Variants in RBFOX1 observed in about 807,000 individuals in gnomAD.
The protein encoded by RBFOX1 is RNA binding fox-1 homolog 1, also known as RNA binding protein fox-1 homolog 1.
A neutral mutation model predicts 57.7 loss-of-function variants in RBFOX1; 8 were observed. That is an observed-to-expected ratio of 0.14 (90% CI 0.08 to 0.25). RBFOX1 has a LOEUF of 0.25. Ranked by LOEUF, RBFOX1 falls within the 10% of genes least tolerant of loss-of-function variation. RBFOX1 has a pLI of 1.00. For synonymous variants in RBFOX1, 326 were observed against 222.4 expected (o/e 1.47, Z -4.15); for missense variants, 611 against 548.5 (o/e 1.11, Z -1.14).
At chr16:5,245,174 G>A (rs971823601) in intron 1 of RBFOX1, among the ~76,000 whole-genome samples, 6 of 152,232 alleles carry the variant, frequency 3.9e-5, no homozygotes, top group African/African-American at 1.4e-4. Context: ...ACATGATGGT[G>A]TTGATGTGTG....
intron 2 of RBFOX1, among the ~76,000 whole-genome samples, chr16:6,461,351 G>C (rs1405836050): frequency 6.6e-6 from 1 of 152,122 alleles, no homozygotes; most frequent in African/African-American, 2.4e-5. Flanking sequence ...ACTCGTTAAA[G>C]ACCTTATCTC....
chr16:5,888,410 T>G (rs1286302742), intron 4 of RBFOX1, among the ~76,000 whole-genome samples: 1 of 152,188 alleles, frequency 6.6e-6, no homozygotes, highest in African/African-American at 2.4e-5. Flanking sequence ...AAGTGTTTTA[T>G]TCTATGATAG....
At chr16:6,703,133 C>T (rs1015936183) in intron 3 of RBFOX1, among the ~76,000 whole-genome samples, 1 of 152,118 alleles carries the variant, frequency 6.6e-6, no homozygotes, top group African/African-American at 2.4e-5. Context: ...GAGAATATAT[C>T]ATGTTTTGTT....
intron 4 of RBFOX1, among the ~76,000 whole-genome samples, chr16:5,874,092 G>C (rs1231087991): frequency 6.6e-6 from 1 of 152,224 alleles, no homozygotes; most frequent in Non-Finnish European, 1.5e-5. Context: ...GGATAATTCA[G>C]AGGGTTTGAG....
chr16:7,583,801 G>T (rs2093951006), intron 6 of RBFOX1, among the ~76,000 whole-genome samples: 1 of 151,382 alleles, frequency 6.6e-6, no homozygotes, highest in Non-Finnish European at 1.5e-5. Context: ...CGCAACATAG[G>T]GAGACCCAGT....
At chr16:5,637,612 C>A (rs1441310485) in intron 3 of RBFOX1, among the ~76,000 whole-genome samples, 1 of 152,198 alleles carries the variant, frequency 6.6e-6, no homozygotes, top group African/African-American at 2.4e-5. Context: ...ACAAGTTACC[C>A]TTTTGTGCCT....
At chr16:5,951,984 C>CAT (rs200241779) in intron 4 of RBFOX1, among the ~76,000 whole-genome samples, 13 of 149,662 alleles carry the variant, frequency 8.7e-5, no homozygotes, top group Admixed American at 2.0e-4. Context: ...GGGGGCCTCG[C>CAT]ATATATATAT....
intron 3 of RBFOX1, among the ~76,000 whole-genome samples, chr16:5,721,615 C>A (rs1389419218): frequency 2.0e-5 from 3 of 152,034 alleles, no homozygotes; most frequent in African/African-American, 7.3e-5. Context: ...TCATAGATTC[C>A]CTTTATAATT....
intron 3 of RBFOX1, among the ~76,000 whole-genome samples, chr16:6,972,461 G>A (rs1307146149): frequency 1.3e-5 from 2 of 152,132 alleles, no homozygotes; most frequent in Non-Finnish European, 2.9e-5. Flanking sequence ...ATGTGGAATG[G>A]ATACATTGTA....
intron 3 of RBFOX1, among the ~76,000 whole-genome samples, chr16:7,032,812 C>A (rs971461051): frequency 6.6e-6 from 1 of 152,124 alleles, no homozygotes. Flanking sequence ...ACTAAAAATG[C>A]GTTTGGTGTC....
chr16:7,504,683 C>G (rs2072181686), intron 4 of RBFOX1, among the ~76,000 whole-genome samples: 1 of 130,612 alleles, frequency 7.7e-6, no homozygotes, highest in South Asian at 2.3e-4. Flanking sequence ...GTTTATTACT[C>G]TAGCTCCTGT....
intron 2 of RBFOX1, among the ~76,000 whole-genome samples, chr16:6,468,826 G>A (rs891353901): frequency 2.0e-5 from 3 of 151,854 alleles, no homozygotes; most frequent in Non-Finnish European, 4.4e-5. Flanking sequence ...ACATATGCAG[G>A]TTTGTAACAT....
At chr16:7,304,917 TGTGTGTGTGTG>T (rs1469245612) in intron 4 of RBFOX1, among the ~76,000 whole-genome samples, 1 of 662 alleles carries the variant, frequency 1.5e-3, no homozygotes, top group Non-Finnish European at 2.4e-3. Context: ...TGTGGTGTGG[TGTGTGTGTGTG>T]TGTGTGTGTG....
chr16:6,816,849 G>T (rs1340309084), intron 3 of RBFOX1, among the ~76,000 whole-genome samples: 1 of 151,946 alleles, frequency 6.6e-6, no homozygotes, highest in Non-Finnish European at 1.5e-5. Flanking sequence ...GGCTCAAACA[G>T]TCCTCCCACT....
intron 6 of RBFOX1, among the ~76,000 whole-genome samples, chr16:7,580,706 C>T (rs542971963): frequency 1.3e-5 from 2 of 152,258 alleles, no homozygotes; most frequent in African/African-American, 4.8e-5. Context: ...CTTCACTATC[C>T]ACTTTGGGAA....
At chr16:7,580,856 A>G (rs748869366) in intron 6 of RBFOX1, among the ~76,000 whole-genome samples, 2 of 152,222 alleles carry the variant, frequency 1.3e-5, no homozygotes, top group African/African-American at 2.4e-5. Context: ...TCTGGATTCA[A>G]TGAAAAGAAC....
chr16:6,942,412 G>C (rs1046115011), intron 3 of RBFOX1, among the ~76,000 whole-genome samples: 2 of 152,096 alleles, frequency 1.3e-5, no homozygotes, highest in Admixed American at 1.3e-4. Flanking sequence ...CTCTCCGTCA[G>C]CCTCCCAAAA....
At chr16:5,956,349 T>G (rs563278462) in intron 4 of RBFOX1, among the ~76,000 whole-genome samples, 2 of 152,172 alleles carry the variant, frequency 1.3e-5, no homozygotes, top group Non-Finnish European at 2.9e-5. Context: ...ATGAATAAAT[T>G]TTTAGTATAA....
At chr16:5,622,606 C>G (rs74004428) in intron 3 of RBFOX1, among the ~76,000 whole-genome samples, 3,642 of 152,292 alleles carry the variant, frequency 0.024, 141 homozygotes, top group African/African-American at 0.083. Flanking sequence ...CAAACTTCAG[C>G]CCATAGGCCA....
Sources: allele counts gnomAD v4.1 joint callset (sites outside exome capture counted in the v4.1 genomes callset), GRCh38; gene constraint gnomAD v4.1.1; transcripts MANE v1.5; gene names NCBI Gene and HGNC (gene_info 2026-07-23, HGNC 2026-07-21).